Variants in ZKSCAN7 observed in about 807,000 individuals in gnomAD.
ZKSCAN7 encodes zinc finger with KRAB and SCAN domains 7.
Under a neutral mutation model 65.3 loss-of-function variants are expected in ZKSCAN7, and 38 were observed. The ratio of observed to expected loss-of-function variants is 0.58; its 90% CI spans 0.45 to 0.76. ZKSCAN7 has a LOEUF of 0.76. Ranked by LOEUF, ZKSCAN7 falls within the 30% of genes least tolerant of loss-of-function variation. ZKSCAN7 has a pLI of 0.00. For missense variants in ZKSCAN7, 815 were observed against 913.3 expected, an observed-to-expected ratio of 0.89 and a Z score of 1.39; for synonymous variants, 321 against 321.0, an observed-to-expected ratio of 1.00 and a Z score of 0.00.
chr3:44,559,508 C>A (rs1178430382), intron 2 of ZKSCAN7, among the ~76,000 whole-genome samples: 1 of 152,078 alleles, frequency 6.6e-6, no homozygotes, highest in Non-Finnish European at 1.5e-5. Flanking sequence ...TTCACTGCAA[C>A]CTCTGCCTCC....
chr3:44,568,715 G>T (rs890931575), intron 5 of ZKSCAN7, among the ~76,000 whole-genome samples: 6 of 152,198 alleles, frequency 3.9e-5, no homozygotes, highest in Non-Finnish European at 7.4e-5. Flanking sequence ...GTGAGTCATA[G>T]GCTTAAAGGA....
chr3:44,570,694 T>C lies in ZKSCAN7; in HGVS notation c.1584T>C (p.Cys528=). The C allele has an allele frequency of 1.2e-6, 2 of 1,614,126 alleles. No individual in the cohort carries two copies. The highest frequency in any genetic ancestry group is 1.7e-6 in the Non-Finnish European group (2 of 1,180,004). The change falls in exon 6 of 6, where the codon TGT becomes TGC. Residue 528 remains cysteine, a synonymous_variant. Coordinates refer to ENST00000426540, the MANE Select transcript of ZKSCAN7 (RefSeq NM_001288590.2). ...AGAAACCTTACAAATGCAATGAGTGTGGGAGAGCATTCTGTTCCAATAGAA... is the reference window on the plus strand; with the variant it reads ...AGAAACCTTACAAATGCAATGAGTGCGGGAGAGCATTCTGTTCCAATAGAA... The part of the protein sequence containing the change: ...TGKKPYKCNE[C]GRAFCSNRNL...
chr3:44,556,692 AGGGG>A lies in ZKSCAN7; in HGVS notation c.-118-236_-118-233del, dbSNP rs1258516024. 2.9e-4 allele frequency among the ~76,000 whole-genome samples: 44 copies of A among 152,120 alleles called. 1 individual carries two copies. Among genetic ancestry groups the A allele is most frequent in the Non-Finnish European group, 5.7e-4 (39 of 68,006 alleles). On this transcript the variant is annotated intron_variant, in intron 1 of 5. Transcript: ENST00000426540. ...TGGTAGAGGGTGTGGCTGGTTGTGAAGGGGGTAAGGCCAGGTTGTGAAGGGCTGT... is the reference window on the plus strand; with the variant it reads ...TGGTAGAGGGTGTGGCTGGTTGTGAAGTAAGGCCAGGTTGTGAAGGGCTGT...
In ZKSCAN7 at chr3:44,557,249, C is replaced by G; in HGVS notation, c.202C>G (p.Pro68Ala). Residue 68 changes from proline to alanine, a missense_variant, in exon 2 of 6, where the codon CCG (proline) becomes GCG (alanine). Physicochemically the swap from Pro to Ala is conservative, Grantham distance 27. Transcript: ENST00000426540. ...RQLCYHEMSGPQEALSRLREL... is the reference protein window; with the variant it reads ...RQLCYHEMSGAQEALSRLREL... ...ATTGTGTTACCACGAGATGTCTGGG[C>G]CGCAGGAAGCATTGAGCCGGCTTCG... 6.2e-7 allele frequency: 1 copy of G among 1,614,292 alleles called. No individual in the cohort carries two copies. The highest frequency in any genetic ancestry group is 8.5e-7 in the Non-Finnish European group (1 of 1,180,058).
chr3:44,578,262 C>T, intron 5 of ZKSCAN7: 1 of 1,567,628 alleles, frequency 6.4e-7, no homozygotes, highest in Non-Finnish European at 8.8e-7. Flanking sequence ...TGCAGCTCAT[C>T]CTTGAGGGAG....
chr3:44,565,532 A>G lies in ZKSCAN7; in HGVS notation c.469A>G (p.Thr157Ala), dbSNP rs762338599. The G allele has an allele frequency of 3.8e-5, 62 of 1,611,688 alleles. No individual in the cohort carries two copies. The Admixed American group carries it at 1.0e-3, about 27-fold the overall frequency. Residue 157 changes from threonine to alanine, a missense_variant, in exon 3 of 6, where the codon ACA (threonine) becomes GCA (alanine). By Grantham distance (58) the Thr-to-Ala change is moderately conservative. Coordinates refer to ENST00000426540, the MANE Select transcript of ZKSCAN7 (RefSeq NM_001288590.2). ...ACAGGAAATGCATTTTGAGGAGACAACAGCTCTGGGTACAACAAAGGAATC... is the reference window on the plus strand; with the variant it reads ...ACAGGAAATGCATTTTGAGGAGACAGCAGCTCTGGGTACAACAAAGGAATC... ...QKQEMHFEET[T>A]ALGTTKESPP...
At chr3:44,581,138 G>T in intron 5 of ZKSCAN7, 1 of 965,832 alleles carries the variant, frequency 1.0e-6, no homozygotes, top group South Asian at 4.7e-5. Context: ...CACAGGCCCT[G>T]ACCGGCCTCC....
chr3:44,570,948 G>A lies in ZKSCAN7; in HGVS notation c.1838G>A (p.Gly613Asp), dbSNP rs769789425. Reference sequence around the variant, plus strand: ...AAACCTTTTGAATGTAGCGAGTGTGGTAAGGCATTTGGTCTGAGTAAATGT... The same window carrying A: ...AAACCTTTTGAATGTAGCGAGTGTGATAAGGCATTTGGTCTGAGTAAATGT... ...GEKPFECSECGKAFGLSKCLI... is the reference protein window; with the variant it reads ...GEKPFECSECDKAFGLSKCLI... The change falls in exon 6 of 6, where the codon GGT becomes GAT. Residue 613 changes from glycine (G) to aspartate (D), a missense_variant. Physicochemically the swap from Gly to Asp is moderately conservative, Grantham distance 94. Around this residue, in one of 3 missense-constraint regions of ZKSCAN7, gnomAD observed 578 missense variants for 629.5 expected, o/e 0.92. Coordinates refer to ENST00000426540, the MANE Select transcript of ZKSCAN7 (RefSeq NM_001288590.2). The A allele has an allele frequency of 3.7e-6, 6 of 1,614,146 alleles. No homozygotes were observed. The highest frequency in any genetic ancestry group is 5.1e-6 in the Non-Finnish European group (6 of 1,180,018).
Position 44,557,122 on chromosome 3 carries a change from G to A in ZKSCAN7, c.75G>A (p.Leu25=), listed in dbSNP as rs1433503549. Residue 25 remains leucine (L), a synonymous_variant, in exon 2 of 6, where the codon CTG becomes CTA. Coordinates refer to ENST00000426540, the MANE Select transcript of ZKSCAN7 (RefSeq NM_001288590.2). ...STAFQKQEGR[L]TVKQEPANQT... ...CTTTCCAGAAGCAAGAGGGGCGCCT[G>A]ACTGTGAAGCAGGAGCCAGCAAACC... is the stretch of plus-strand genomic sequence containing the variant. The A allele has an allele frequency of 3.1e-6, 5 of 1,614,262 alleles. No homozygotes were observed. The highest frequency in any genetic ancestry group is 1.3e-5 in the African/African-American group (1 of 75,080).
chr3:44,570,687 A>C lies in ZKSCAN7; in HGVS notation c.1577A>C (p.Asn526Thr). 1 of 1,614,164 alleles carries C rather than the reference A, an allele frequency of 6.2e-7. No individual in the cohort carries two copies. The highest frequency in any genetic ancestry group is 8.5e-7 in the Non-Finnish European group (1 of 1,180,010). ...LHTGKKPYKC[N>T]ECGRAFCSNR... ...ACTGGTAAGAAACCTTACAAATGCAATGAGTGTGGGAGAGCATTCTGTTCC... is the reference window on the plus strand; with the variant it reads ...ACTGGTAAGAAACCTTACAAATGCACTGAGTGTGGGAGAGCATTCTGTTCC... Residue 526 changes from asparagine to threonine, a missense_variant, in exon 6 of 6, where the codon AAT becomes ACT. Around this residue, in one of 3 missense-constraint regions of ZKSCAN7, gnomAD observed 578 missense variants for 629.5 expected, o/e 0.92. Coordinates refer to ENST00000426540, the MANE Select transcript of ZKSCAN7 (RefSeq NM_001288590.2).
intron 1 of ZKSCAN7, among the ~76,000 whole-genome samples, chr3:44,556,021 A>G (rs996112741): frequency 3.3e-5 from 5 of 152,210 alleles, no homozygotes; most frequent in Non-Finnish European, 7.3e-5. Context: ...AAACGATTAC[A>G]GTGTGAGATG....
chr3:44,572,702 T>C (rs530396173), downstream of ZKSCAN7, among the ~76,000 whole-genome samples: 5 of 151,066 alleles, frequency 3.3e-5, no homozygotes, highest in African/African-American at 9.7e-5. Context: ...TACAAAAAAT[T>C]AGCCAGGCGT....
At chr3:44,572,575 C>T (rs574353907), downstream of ZKSCAN7, among the ~76,000 whole-genome samples, 3 of 152,032 alleles carry the variant, frequency 2.0e-5, no homozygotes, top group Admixed American at 1.3e-4. Context: ...GTCAGCTGGG[C>T]GCAGTGGCTC....
chr3:44,574,178 C>A (rs1332219527), downstream of ZKSCAN7, among the ~76,000 whole-genome samples: 1 of 152,114 alleles, frequency 6.6e-6, no homozygotes, highest in African/African-American at 2.4e-5. Flanking sequence ...GTGATGTGAT[C>A]ATGGCTTACT....
intron 2 of ZKSCAN7, among the ~76,000 whole-genome samples, chr3:44,565,190 G>C (rs1324711945): frequency 6.6e-6 from 1 of 152,116 alleles, no homozygotes; most frequent in East Asian, 1.9e-4. Flanking sequence ...TTTTTAAATG[G>C]TTCTTCATAA....
chr3:44,580,631 C>T (rs1265187760), intron 5 of ZKSCAN7: 40 of 1,613,810 alleles, frequency 2.5e-5, no homozygotes, highest in South Asian at 8.8e-5. Flanking sequence ...CCTTGGTCTC[C>T]GCCCGGATGA....
chr3:44,573,976 C>T (rs1049379729), downstream of ZKSCAN7, among the ~76,000 whole-genome samples: 2 of 152,108 alleles, frequency 1.3e-5, no homozygotes, highest in African/African-American at 4.8e-5. Flanking sequence ...ACCTCAAATT[C>T]TATTGGTTAC....
rs1296507326 is a variant in ZKSCAN7, at chr3:44,582,920, G to A, written c.812-52G>A. The stretch of plus-strand genomic sequence containing the variant: ...TACATGAATATTCGTGTGTGTGTGT[G>A]TGTGTGTGTGTGTGTGTGTGTGTGT... On this transcript the variant is annotated intron_variant, in intron 5 of 5. Transcript: ENST00000341840. The A allele has an allele frequency of 3.1e-5, 7 of 224,086 alleles. No individual in the cohort carries two copies. In the East Asian group the frequency reaches 1.2e-3, roughly 39 times the overall value. The allele number at this position is 224,086 out of a possible 1,614,324, so 13.9% of individuals were successfully genotyped here. A position where few individuals can be genotyped will look rare whatever the true frequency, so the allele number is the denominator to read the frequency against.
At position 44,565,634 on chromosome 3, in the gene ZKSCAN7, C is replaced by A. The variant is rs1433468187; in HGVS notation, c.571C>A (p.His191Asn). Residue 191 changes from histidine (H) to asparagine (N), a missense_variant, in exon 3 of 6, where the codon CAC becomes AAC. Physicochemically the swap from His to Asn is moderately conservative, Grantham distance 68. Around this residue, in one of 3 missense-constraint regions of ZKSCAN7, gnomAD observed 227 missense variants for 253.3 expected, o/e 0.90. Coordinates refer to ENST00000426540, the MANE Select transcript of ZKSCAN7 (RefSeq NM_001288590.2). ...GCCTCCTTATGACCCAGGGACACAC[C>A]ACCTCCCCAGTGGGGACTTCGGTAC... is the stretch of plus-strand genomic sequence containing the variant. Reference protein sequence around the residue: ...LEPPYDPGTHHLPSGDFAQCT... With the variant: ...LEPPYDPGTHNLPSGDFAQCT... The A allele has an allele frequency of 6.2e-7, 1 of 1,604,946 alleles. No homozygotes were observed. Among genetic ancestry groups the A allele is most frequent in the South Asian group, 1.1e-5 (1 of 89,302 alleles).
Sources: allele counts gnomAD v4.1 joint callset (sites outside exome capture counted in the v4.1 genomes callset), GRCh38; gene constraint gnomAD v4.1.1; regional missense constraint gnomAD v4.1.1; transcripts MANE v1.5; gene names NCBI Gene and HGNC (gene_info 2026-07-23, HGNC 2026-07-21).